Variants in ANK1 observed in about 807,000 individuals in gnomAD.
ANK1 encodes the protein ankyrin-1.
In ANK1, 51 loss-of-function variants were observed where a neutral mutation model predicts 210.4. The ratio of observed to expected loss-of-function variants is 0.24; its 90% CI spans 0.19 to 0.31. The LOEUF is 0.31. Among genes scored for constraint, ANK1 ranks in the 10% least tolerant of loss-of-function variants. The pLI, the probability that ANK1 is intolerant of heterozygous loss-of-function variation, is 1.00. For missense variants in ANK1, 2,051 were observed against 2,504.4 expected, an observed-to-expected ratio of 0.82 and a Z score of 3.86; for synonymous variants, 967 against 1,025.9, an observed-to-expected ratio of 0.94 and a Z score of 1.10.
chr8:41,660,434 C>A (rs772841789), intron 42 of ANK1: 2 of 469,876 alleles, frequency 4.3e-6, no homozygotes, highest in African/African-American at 4.0e-5. Flanking sequence ...CTGACTCCCA[C>A]CCCGAGGTAT....
At chr8:41,874,312 G>T (rs1587555329) in intron 1 of ANK1, among the ~76,000 whole-genome samples, 2 of 152,222 alleles carry the variant, frequency 1.3e-5, no homozygotes, top group African/African-American at 4.8e-5. Flanking sequence ...AATCTGAAAG[G>T]CCTCGATTTC....
chr8:41,661,972 G>C (rs933078828), intron 40 of ANK1, 31 bp from the exon 41 acceptor site: 1 of 1,611,508 alleles, frequency 6.2e-7, no homozygotes, highest in Non-Finnish European at 8.5e-7. Context: ...GGAAAGGGCT[G>C]GTCAGGCCGG....
At chr8:41,879,794 A>C (rs2150830659) in intron 1 of ANK1, among the ~76,000 whole-genome samples, 1 of 152,326 alleles carries the variant, frequency 6.6e-6, no homozygotes, top group East Asian at 1.9e-4. Context: ...CCTCTCACAG[A>C]CCAGTCCTAT....
intron 1 of ANK1, among the ~76,000 whole-genome samples, chr8:41,882,281 C>G (rs992294000): frequency 1.3e-5 from 2 of 152,072 alleles, no homozygotes; most frequent in African/African-American, 4.8e-5. Flanking sequence ...GGTGCAGGCC[C>G]CACGCCCTGG....
At chr8:41,865,295 C>T (rs924358469) in intron 1 of ANK1, among the ~76,000 whole-genome samples, 3 of 152,356 alleles carry the variant, frequency 2.0e-5, no homozygotes, top group African/African-American at 7.2e-5. Context: ...GCCGGGCCTT[C>T]CTCCCATTTC....
At chr8:41,689,574 C>A (rs1193305584) in intron 33 of ANK1, among the ~76,000 whole-genome samples, 24 of 152,320 alleles carry the variant, frequency 1.6e-4, no homozygotes, top group Non-Finnish European at 1.5e-5. Context: ...ACAACAGCAG[C>A]AAAACAACAG....
chr8:41,714,250 C>G lies in ANK1; in HGVS notation c.1706G>C (p.Gly569Ala). 6.4e-7 allele frequency: 1 copy of G among 1,554,692 alleles called. No individual in the cohort carries two copies. Among genetic ancestry groups the G allele is most frequent in the Non-Finnish European group, 8.7e-7 (1 of 1,143,480 alleles). ...DAHPNAAGKN[G>A]LTPLHVAVHH... ...GACGGCCACGTGCAGGGGGGTCAGG[C>G]CATTCTGCAGGGGACAAAGACAAAA... The change falls in exon 16 of 43, where the codon GGC (glycine) becomes GCC (alanine). Residue 569 changes from glycine to alanine, a missense_variant. Physicochemically the swap from Gly to Ala is moderately conservative, Grantham distance 60 (BLOSUM62 0). Coordinates refer to ENST00000289734, the MANE Select transcript of ANK1 (RefSeq NM_000037.4).
rs16890877 is a variant in ANK1 at position 41,834,305 on chromosome 8, G to A, written c.126+62050C>T. On this transcript the variant is annotated intron_variant, in intron 1 of 42. Transcript: ENST00000265709. ...ACCTGGAGGCAATGCCAGCAGACTC[G>A]GGAGAATAACAGGATGTGGGAGGTG... 8.7e-3 allele frequency among the ~76,000 whole-genome samples: 1,325 copies of A among 152,338 alleles called. 34 individuals carry two copies. Among genetic ancestry groups the A allele is most frequent in the African/African-American group, 0.031 (1,272 of 41,580 alleles).
chr8:41,747,148 G>A (rs767280928), intron 2 of ANK1, among the ~76,000 whole-genome samples: 1 of 152,126 alleles, frequency 6.6e-6, no homozygotes, highest in African/African-American at 2.4e-5. Context: ...CAGTGGTTTC[G>A]CAGAACGTAA....
intron 1 of ANK1, among the ~76,000 whole-genome samples, chr8:41,770,384 A>G (rs1165413944): frequency 2.6e-5 from 4 of 152,244 alleles, no homozygotes. Flanking sequence ...TCTATACAGA[A>G]TATCTGTCTT....
chr8:41,758,175 G>C (rs956167268), intron 1 of ANK1, 38 bp from the exon 2 acceptor site: 65 of 1,579,988 alleles, frequency 4.1e-5, no homozygotes, highest in Non-Finnish European at 5.4e-5. Flanking sequence ...TGTCCTGGGT[G>C]TATTAATGAC....
At chr8:41,696,273 A>G in intron 26 of ANK1, 90 bp downstream of exon 26, 1 of 1,435,462 alleles carries the variant, frequency 7.0e-7, no homozygotes, top group Non-Finnish European at 9.8e-7. Flanking sequence ...AGGGGCACCC[A>G]GTTCTGTTTC....
intron 2 of ANK1, among the ~76,000 whole-genome samples, chr8:41,745,703 C>G (rs1399603831): frequency 6.6e-6 from 1 of 151,896 alleles, no homozygotes; most frequent in Non-Finnish European, 1.5e-5. Context: ...CTGGTTTTTC[C>G]TTTCTTTCTT....
At chr8:41,659,888 G>C (rs1279217949) in intron 42 of ANK1, among the ~76,000 whole-genome samples, 1 of 152,006 alleles carries the variant, frequency 6.6e-6, no homozygotes, top group Non-Finnish European at 1.5e-5. Context: ...TGAAATTCAA[G>C]GCTCCCTCCT....
chr8:41,760,359 A>AC (rs1007017790), intron 1 of ANK1, among the ~76,000 whole-genome samples: 48 of 150,642 alleles, frequency 3.2e-4, no homozygotes, highest in Non-Finnish European at 2.1e-4. Context: ...AAAAGAAGAG[A>AC]CCCCCCTGCA....
chr8:41,769,977 CTTTTT>C (rs59542968), intron 1 of ANK1, among the ~76,000 whole-genome samples: 3 of 86,654 alleles, frequency 3.5e-5, no homozygotes, highest in African/African-American at 4.9e-5. Context: ...TTTCTTTTTT[CTTTTT>C]TTTTTTTTTT....
At chr8:41,679,448 A>G (rs1815215313) in intron 37 of ANK1, among the ~76,000 whole-genome samples, 1 of 152,108 alleles carries the variant, frequency 6.6e-6, no homozygotes, top group Non-Finnish European at 1.5e-5. Flanking sequence ...ATAGCTGGCT[A>G]ATACTCATCT....
intron 1 of ANK1, among the ~76,000 whole-genome samples, chr8:41,835,059 G>A (rs183049013): frequency 7.9e-4 from 120 of 152,376 alleles, no homozygotes; most frequent in Non-Finnish European, 1.3e-3. Context: ...AAGGCAGCGA[G>A]ATGGCGCTTA....
chr8:41,865,089 G>A (rs184367649), intron 1 of ANK1, among the ~76,000 whole-genome samples: 6 of 152,280 alleles, frequency 3.9e-5, no homozygotes, highest in South Asian at 2.1e-4. Context: ...AGTGTGTGGC[G>A]CTGCACACAC....
Sources: allele counts gnomAD v4.1 joint callset (sites outside exome capture counted in the v4.1 genomes callset), GRCh38; gene constraint gnomAD v4.1.1; transcripts MANE v1.5; gene names NCBI Gene and HGNC (gene_info 2026-07-23, HGNC 2026-07-21).